The following SNX29 variants were observed in gnomAD, a reference collection of about 807,000 sequenced individuals.
SNX29 encodes the protein sorting nexin-29.
In SNX29, 78 loss-of-function variants were observed where a neutral mutation model predicts 102.1. That is an observed-to-expected ratio of 0.76 (90% CI 0.64 to 0.92). The LOEUF (loss-of-function observed/expected upper bound fraction) is 0.92, where lower values mean the gene tolerates loss of function less well. Ranked by LOEUF, SNX29 falls within the 40% of genes least tolerant of loss-of-function variation. The probability of loss-of-function intolerance (pLI) is 0.00; values close to 1 mark genes in which losing one functional copy is unlikely to be tolerated. For missense variants in SNX29, 1,280 were observed against 1,061.7 expected (o/e 1.21, Z -2.86); for synonymous variants, 580 against 414.5 (o/e 1.40, Z -4.85).
chr16:12,112,454 C>T (rs76753798), intron 11 of SNX29, among the ~76,000 whole-genome samples: 4,384 of 152,038 alleles, frequency 0.029, 127 homozygotes, highest in East Asian at 0.19. Context: ...GTCCCATCCA[C>T]GTGTATTCAT....
rs917042471 is a variant in SNX29, at chr16:12,569,763, A to C, written c.*1134A>C. 2.0e-4 allele frequency: 47 copies of C among 230,494 alleles called. No individual in the cohort carries two copies. The highest frequency in any genetic ancestry group is 9.7e-4 in the African/African-American group (44 of 45,318). 14.3% of individuals were successfully genotyped at this position (230,494 alleles called of 1,614,324 possible). A position where few individuals can be genotyped will look rare whatever the true frequency, so the allele number is the denominator to read the frequency against. ...GCTCCTCCTCCAGTGAGCTCACATC[A>C]GAGCACCTCACAGAGCAATAGCCGT... On this transcript the variant is annotated 3_prime_UTR_variant, in exon 21 of 21. Coordinates refer to ENST00000566228, the MANE Select transcript of SNX29 (RefSeq NM_032167.5).
rs572588206 is a variant in SNX29, at chr16:12,571,552, T to G, written c.*2923T>G. ...GACCACCCTTTGCTGGGAGGAAGAA[T>G]CCACACCGAATCCTTCTGTCTTCAT... On this transcript the variant is annotated 3_prime_UTR_variant, in exon 21 of 21. Transcript: ENST00000566228. 66 of 985,180 alleles carry G rather than the reference T, an allele frequency of 6.7e-5. No homozygotes were observed. Among genetic ancestry groups the G allele is most frequent in the Non-Finnish European group, 7.8e-5 (63 of 807,016 alleles). 61.0% of individuals were successfully genotyped at this position (985,180 alleles called of 1,614,324 possible).
intron 10 of SNX29, among the ~76,000 whole-genome samples, chr16:12,075,968 G>A (rs901066830): frequency 6.6e-6 from 1 of 152,234 alleles, no homozygotes; most frequent in Non-Finnish European, 1.5e-5. Flanking sequence ...GACCCTCCGA[G>A]CCAGGTGCGG....
chr16:12,481,302 A>G (rs2087894982), intron 19 of SNX29, among the ~76,000 whole-genome samples: 1 of 152,080 alleles, frequency 6.6e-6, no homozygotes, highest in Non-Finnish European at 1.5e-5. Context: ...TTGGGGCCAC[A>G]GCTCCATTTC....
chr16:12,280,320 T>C (rs556291794), intron 15 of SNX29, among the ~76,000 whole-genome samples: 1 of 152,242 alleles, frequency 6.6e-6, no homozygotes, highest in East Asian at 1.9e-4. Flanking sequence ...GCTTTGACCA[T>C]GTGAAAATCT....
chr16:12,448,095 G>A (rs1466670163), intron 18 of SNX29, among the ~76,000 whole-genome samples: 1 of 152,220 alleles, frequency 6.6e-6, no homozygotes, highest in Admixed American at 6.5e-5. Context: ...CAGGGCAACA[G>A]CAAAAATGAC....
At chr16:11,997,059 A>C (rs761714624) in intron 1 of SNX29, among the ~76,000 whole-genome samples, 5 of 152,170 alleles carry the variant, frequency 3.3e-5, no homozygotes, top group African/African-American at 7.2e-5. Context: ...TTGAGTCAGG[A>C]TCACTGTTCC....
rs1228753159 is a variant in SNX29, at chr16:12,157,054, G to A, written c.1595+27296G>A. Among the ~76,000 whole-genome samples, 3 of 152,204 alleles carry A rather than the reference G, an allele frequency of 2.0e-5. 1 individual carries two copies. Among genetic ancestry groups the A allele is most frequent in the Non-Finnish European group, 4.4e-5 (3 of 68,040 alleles). Reference sequence around the variant, plus strand: ...GAAGCTACAGTGAGGGAGCCGGAGGGTGAGAAGGGAAGGAACGGCAGTCAG... The same window carrying A: ...GAAGCTACAGTGAGGGAGCCGGAGGATGAGAAGGGAAGGAACGGCAGTCAG... On this transcript the variant is annotated intron_variant, in intron 13 of 20. Coordinates refer to ENST00000566228, the MANE Select transcript of SNX29 (RefSeq NM_032167.5).
intron 11 of SNX29, among the ~76,000 whole-genome samples, chr16:12,105,530 A>C (rs2053199068): frequency 6.6e-6 from 1 of 152,028 alleles, no homozygotes; most frequent in Non-Finnish European, 1.5e-5. Context: ...CCAGGAATCT[A>C]ATTTCTAAAG....
intron 4 of SNX29, among the ~76,000 whole-genome samples, chr16:12,038,229 G>A (rs1365529240): frequency 1.3e-5 from 2 of 152,278 alleles, no homozygotes; most frequent in African/African-American, 4.8e-5. Context: ...GAAGAAAGTA[G>A]AGGACAAAAT....
At chr16:12,489,673 G>C (rs968777783) in intron 19 of SNX29, among the ~76,000 whole-genome samples, 1 of 152,196 alleles carries the variant, frequency 6.6e-6, no homozygotes, top group Non-Finnish European at 1.5e-5. Context: ...AGGTCTACAG[G>C]GAGGAAGCAC....
intron 20 of SNX29, chr16:12,526,477 C>T (rs1337310345): frequency 4.2e-6 from 2 of 480,874 alleles, no homozygotes; most frequent in South Asian, 1.6e-5. Flanking sequence ...ATAAGAGGTG[C>T]CTTTTTGTCC....
rs78824862 is a variant in SNX29 at position 12,109,449 on chromosome 16, A to G, written c.1403-17184A>G. Among the ~76,000 whole-genome samples the G allele has an allele frequency of 8.2e-3, 1,252 of 152,284 alleles. 18 individuals are homozygous for G. The highest frequency in any genetic ancestry group is 0.029 in the African/African-American group (1,193 of 41,548). ...CATGATTGCCAAGCTCTCATGACAC[A>G]GTCACCTCTTAAAGGCCCCACGTCT... is the stretch of plus-strand genomic sequence containing the variant. On this transcript the variant is annotated intron_variant, in intron 11 of 20. Transcript: ENST00000566228.
chr16:12,537,053 A>ATATT (rs1478498960), intron 20 of SNX29, among the ~76,000 whole-genome samples: 1 of 152,224 alleles, frequency 6.6e-6, no homozygotes, highest in Non-Finnish European at 1.5e-5. Flanking sequence ...TTCACTGAGC[A>ATATT]TATTTAGGAG....
At chr16:12,476,929 C>T (rs1451206266) in intron 18 of SNX29, among the ~76,000 whole-genome samples, 2 of 152,054 alleles carry the variant, frequency 1.3e-5, no homozygotes, top group Non-Finnish European at 2.9e-5. Flanking sequence ...TACAACAGCC[C>T]TTTATCCTTG....
intron 10 of SNX29, among the ~76,000 whole-genome samples, chr16:12,076,387 G>A (rs959104887): frequency 6.7e-6 from 1 of 148,988 alleles, no homozygotes; most frequent in Non-Finnish European, 1.5e-5. Flanking sequence ...TGCAACATCC[G>A]CCTCCTGGGT....
chr16:12,359,958 G>A (rs1361940976), intron 16 of SNX29, among the ~76,000 whole-genome samples: 1 of 152,032 alleles, frequency 6.6e-6, no homozygotes, highest in Non-Finnish European at 1.5e-5. Context: ...TGAGTAGCTG[G>A]GATTACAGGC....
intron 14 of SNX29, among the ~76,000 whole-genome samples, chr16:12,205,408 C>A (rs1168385242): frequency 6.6e-6 from 1 of 152,202 alleles, no homozygotes; most frequent in East Asian, 1.9e-4. Flanking sequence ...TCATGGTTTT[C>A]CAGTCCTGAC....
intron 18 of SNX29, among the ~76,000 whole-genome samples, chr16:12,453,505 C>G (rs1367661958): frequency 6.6e-6 from 1 of 152,028 alleles, no homozygotes; most frequent in Non-Finnish European, 1.5e-5. Flanking sequence ...TAAAAACAAA[C>G]AAAGTGGCTG....
Sources: allele counts gnomAD v4.1 joint callset (sites outside exome capture counted in the v4.1 genomes callset), GRCh38; gene constraint gnomAD v4.1.1; transcripts MANE v1.5; gene names NCBI Gene and HGNC (gene_info 2026-07-23, HGNC 2026-07-21).